The following NTN1 variants were observed in gnomAD, a reference collection of about 807,000 sequenced individuals.
NTN1 encodes the protein netrin-1.
In NTN1, 11 loss-of-function variants were observed where a neutral mutation model predicts 54.2. The ratio of observed to expected loss-of-function variants is 0.20; its 90% CI spans 0.13 to 0.34. The LOEUF (loss-of-function observed/expected upper bound fraction) is 0.34, where lower values mean the gene tolerates loss of function less well. NTN1 is among the 10% of genes least tolerant of loss of function. The pLI, the probability that NTN1 is intolerant of heterozygous loss-of-function variation, is 1.00. For missense variants in NTN1, 740 were observed against 893.1 expected (o/e 0.83, Z 2.18); for synonymous variants, 371 against 382.0 (o/e 0.97, Z 0.33).
the NTN1 span, among the ~76,000 whole-genome samples, chr17:9,007,536 C>T: frequency 7.0e-6 from 1 of 143,252 alleles, no homozygotes; most frequent in Non-Finnish European, 1.5e-5. Context: ...TTCCCTCCCT[C>T]CCTTCCTTCC....
intron 5 of NTN1, among the ~76,000 whole-genome samples, chr17:9,203,160 A>G (rs1401120658): frequency 6.6e-6 from 1 of 151,974 alleles, no homozygotes; most frequent in Non-Finnish European, 1.5e-5. Flanking sequence ...TGACCTCGTG[A>G]TCCGCCTGCC....
At position 9,239,601 on chromosome 17, in the gene NTN1, C is replaced by T; in HGVS notation, c.1487-39C>T. The stretch of plus-strand genomic sequence containing the variant: ...TCAGGCAGGGCGGACCTAGCCACAG[C>T]AGCTGGGAGCCCACCCGTCTGCCTG... On this transcript the variant is annotated intron_variant, in intron 6 of 6. Transcript: ENST00000173229. This position sits in a 1 kb window ranked among gnomAD's most constrained non-coding sequence, Gnocchi z 5.2. The T allele has an allele frequency of 6.3e-7, 1 of 1,586,812 alleles. No individual in the cohort carries two copies. The highest frequency in any genetic ancestry group is 8.6e-7 in the Non-Finnish European group (1 of 1,160,178).
intron 2 of NTN1, among the ~76,000 whole-genome samples, chr17:9,152,119 G>C (rs1279989139): frequency 6.6e-6 from 1 of 152,126 alleles, no homozygotes; most frequent in African/African-American, 2.4e-5. Context: ...GTTCTTTTGC[G>C]CTTCACAATA....
intron 2 of NTN1, among the ~76,000 whole-genome samples, chr17:9,100,301 T>A (rs1279947641): frequency 6.6e-6 from 1 of 152,152 alleles, no homozygotes; most frequent in African/African-American, 2.4e-5. Context: ...CATATCTTTA[T>A]TTATTTATTT....
chr17:9,082,415 C>G (rs976828630), intron 2 of NTN1, among the ~76,000 whole-genome samples: 2 of 152,228 alleles, frequency 1.3e-5, no homozygotes, highest in African/African-American at 2.4e-5. Context: ...GATATCTCCT[C>G]TACACCTCAT....
rs1177392558 is a variant in NTN1, at chr17:9,079,632, A to G, written c.1018+56241A>G. Among the ~76,000 whole-genome samples, 3 of 152,174 alleles carry G rather than the reference A, an allele frequency of 2.0e-5. No homozygotes were observed. The South Asian group carries it at 6.2e-4, about 32-fold the overall frequency. On this transcript the variant is annotated intron_variant, in intron 2 of 6. Transcript: ENST00000173229. Reference sequence around the variant, plus strand: ...CTGGCCTCCCAGGAAGTGGTTCCCCAGCAGGCCTGTTTCCTGGCCTTGGAG... The same window carrying G: ...CTGGCCTCCCAGGAAGTGGTTCCCCGGCAGGCCTGTTTCCTGGCCTTGGAG...
intron 5 of NTN1, among the ~76,000 whole-genome samples, chr17:9,215,114 T>C (rs1376255604): frequency 6.6e-6 from 1 of 152,198 alleles, no homozygotes; most frequent in Non-Finnish European, 1.5e-5. Context: ...GAATCGAGCA[T>C]GAAATAGCAT....
At chr17:9,161,872 G>T in intron 2 of NTN1, among the ~76,000 whole-genome samples, 1 of 152,208 alleles carries the variant, frequency 6.6e-6, no homozygotes, top group Non-Finnish European at 1.5e-5. Context: ...GAACCTGAGG[G>T]CAGGATGGTA....
At chr17:9,233,343 C>G (rs1188509722) in intron 6 of NTN1, among the ~76,000 whole-genome samples, 1 of 152,072 alleles carries the variant, frequency 6.6e-6, no homozygotes, top group East Asian at 1.9e-4. Context: ...CGGTTCCCAA[C>G]AGGCAGATGA....
In NTN1 at chr17:9,086,596, G is replaced by A. The variant is rs992332099; in HGVS notation, c.1018+63205G>A. Among the ~76,000 whole-genome samples, 11 of 152,226 alleles carry A rather than the reference G, an allele frequency of 7.2e-5. No individual in the cohort carries two copies. In the Middle Eastern group the frequency reaches 0.017, roughly 235 times the overall value. ...CACTTGCGGGGCAGGATCAGGGAACGCTTCCTGGAGGAAATGAAATTATCA... is the reference window on the plus strand; with the variant it reads ...CACTTGCGGGGCAGGATCAGGGAACACTTCCTGGAGGAAATGAAATTATCA... On this transcript the variant is annotated intron_variant, in intron 2 of 6. Transcript: ENST00000173229.
chr17:9,045,862 GA>G (rs1289933019), intron 2 of NTN1, among the ~76,000 whole-genome samples: 1 of 152,084 alleles, frequency 6.6e-6, no homozygotes, highest in African/African-American at 2.4e-5. Flanking sequence ...ATGAAAAAGA[GA>G]CATAACTAGA....
intron 6 of NTN1, among the ~76,000 whole-genome samples, chr17:9,229,722 TTGG>T (rs1905741190): frequency 6.6e-6 from 1 of 151,846 alleles, no homozygotes; most frequent in Admixed American, 6.6e-5. Flanking sequence ...GGCAGGGATG[TTGG>T]TGGTAGCGGG....
chr17:9,110,898 TA>T, intron 2 of NTN1, among the ~76,000 whole-genome samples: 1 of 152,090 alleles, frequency 6.6e-6, no homozygotes, highest in African/African-American at 2.4e-5. Context: ...TGCCACCCAT[TA>T]TTGGGTTTAG....
chr17:9,101,977 C>T (rs374146922), intron 2 of NTN1, among the ~76,000 whole-genome samples: 5 of 152,194 alleles, frequency 3.3e-5, no homozygotes, highest in South Asian at 4.1e-4. Context: ...GCCTGGGCAA[C>T]GAGAGAGACT....
At chr17:9,097,697 T>C (rs2092136483) in intron 2 of NTN1, among the ~76,000 whole-genome samples, 1 of 152,180 alleles carries the variant, frequency 6.6e-6, no homozygotes, top group African/African-American at 2.4e-5. Context: ...TATTCATATC[T>C]GTCCTGTACC....
At chr17:9,192,852 A>G (rs1314402428) in intron 5 of NTN1, among the ~76,000 whole-genome samples, 7 of 152,116 alleles carry the variant, frequency 4.6e-5, no homozygotes, top group Non-Finnish European at 1.0e-4. Flanking sequence ...AGGCCGAGGC[A>G]GGCAGATCAC....
chr17:9,189,339 C>T (rs985762783), intron 5 of NTN1, among the ~76,000 whole-genome samples: 2 of 152,048 alleles, frequency 1.3e-5, no homozygotes, highest in African/African-American at 4.8e-5. Context: ...CATGCCATTC[C>T]CACAGAAGTT....
At chr17:9,017,557 C>T (rs1235639455), upstream of NTN1, among the ~76,000 whole-genome samples, 2 of 152,242 alleles carry the variant, frequency 1.3e-5, no homozygotes, top group Non-Finnish European at 2.9e-5. Context: ...TTTCTTGAAA[C>T]TGCCGCATTC....
At chr17:9,068,697 G>A (rs1187716708) in intron 2 of NTN1, among the ~76,000 whole-genome samples, 2 of 152,036 alleles carry the variant, frequency 1.3e-5, no homozygotes, top group African/African-American at 2.4e-5. Flanking sequence ...TAGTAGAGAC[G>A]AGGTTTCTCC....
Sources: allele counts gnomAD v4.1 joint callset (sites outside exome capture counted in the v4.1 genomes callset), GRCh38; gene constraint gnomAD v4.1.1; non-coding constraint Gnocchi (gnomAD v3.1); transcripts MANE v1.5; gene names NCBI Gene and HGNC (gene_info 2026-07-23, HGNC 2026-07-21).